Variants in TENM2 observed in about 807,000 individuals in gnomAD.
The protein encoded by TENM2 is teneurin-2.
TENM2 carries 52 observed loss-of-function variants against 245.2 expected under a neutral mutation model. The observed-to-expected ratio is 0.21, with a 90% CI of 0.17 to 0.27. The LOEUF is 0.27. Among genes scored for constraint, TENM2 ranks in the 10% least tolerant of loss-of-function variants. The pLI, the probability that TENM2 is intolerant of heterozygous loss-of-function variation, is 1.00. For missense variants in TENM2, 3,046 were observed against 3,666.8 expected (o/e 0.83, Z 4.37); for synonymous variants, 1,363 against 1,438.9 (o/e 0.95, Z 1.19).
At position 167,293,262 on chromosome 5, in the gene TENM2, T is replaced by C. The variant is rs563323016; in HGVS notation, c.226+8199T>C. On this transcript the variant is annotated intron_variant, in intron 1 of 28. Transcript: ENST00000518659. ...TGTTGCCCAGGCTGGAGTGCAATGG[T>C]GCAATCTCTGCTCACAGCAATCTCC... Among the ~76,000 whole-genome samples the C allele has an allele frequency of 3.3e-4, 50 of 152,158 alleles. 1 individual carries two copies. The highest frequency in any genetic ancestry group is 1.1e-3 in the African/African-American group (47 of 41,520).
intron 3 of TENM2, among the ~76,000 whole-genome samples, chr5:167,920,331 A>AAAAAAAAAAG (rs766746876): frequency 8.3e-6 from 1 of 120,840 alleles, no homozygotes. Flanking sequence ...GTCTCTACTT[A>AAAAAAAAAAG]AAAAAAAAAG....
chr5:167,669,179 T>G (rs577303997), intron 2 of TENM2, among the ~76,000 whole-genome samples: 1 of 152,176 alleles, frequency 6.6e-6, no homozygotes, highest in Admixed American at 6.6e-5. Context: ...CATCCTTGAA[T>G]GTGCTGCTTT....
intron 1 of TENM2, among the ~76,000 whole-genome samples, chr5:167,298,585 C>CAG (rs955538998): frequency 2.6e-5 from 4 of 152,088 alleles, no homozygotes; most frequent in African/African-American, 9.7e-5. Flanking sequence ...GCCTGGGCGA[C>CAG]AGCGAGACTC....
chr5:167,672,749 C>T lies in TENM2; in HGVS notation c.503-203237C>T, dbSNP rs151268090. ...GTAAGTTCAGGTGTTCACGCAGGCA[C>T]CTATTTCTCTCAGAAGAGGACTTTT... is the stretch of plus-strand genomic sequence containing the variant. On this transcript the variant is annotated intron_variant, in intron 2 of 28. Coordinates refer to ENST00000518659, the Ensembl canonical transcript of TENM2. Among the ~76,000 whole-genome samples the T allele has an allele frequency of 4.3e-4, 65 of 152,122 alleles. 1 individual carries two copies. The highest frequency in any genetic ancestry group is 1.4e-3 in the African/African-American group (57 of 41,520).
intron 2 of TENM2, among the ~76,000 whole-genome samples, chr5:167,457,985 G>T (rs2127486762): frequency 2.0e-5 from 3 of 152,126 alleles, no homozygotes; most frequent in Middle Eastern, 3.4e-3. Context: ...GGCAGCTAAG[G>T]CAACTTGATT....
intron 7 of TENM2, among the ~76,000 whole-genome samples, chr5:168,086,312 G>A (rs1205362857): frequency 1.3e-5 from 2 of 152,064 alleles, no homozygotes; most frequent in Non-Finnish European, 1.5e-5. Context: ...CAAGAAGTGG[G>A]GAGATTTATA....
intron 2 of TENM2, among the ~76,000 whole-genome samples, chr5:167,873,325 T>A (rs1368436971): frequency 2.0e-5 from 3 of 152,250 alleles, no homozygotes; most frequent in Non-Finnish European, 4.4e-5. Context: ...AGAAACGTGA[T>A]CTGCTGTAGA....
the TENM2 span, among the ~76,000 whole-genome samples, chr5:167,256,702 T>C: frequency 6.6e-6 from 1 of 152,058 alleles, no homozygotes; most frequent in Non-Finnish European, 1.5e-5. Context: ...TCAGAATATA[T>C]GGAAATATAA....
intron 1 of TENM2, among the ~76,000 whole-genome samples, chr5:167,374,056 A>G (rs1760598566): frequency 6.6e-6 from 1 of 152,158 alleles, no homozygotes; most frequent in Admixed American, 6.5e-5. Flanking sequence ...ATTCTTTGAT[A>G]CCATTTAGAA....
chr5:167,653,946 A>G (rs913299790), intron 2 of TENM2: 5 of 151,738 alleles, frequency 3.3e-5, no homozygotes, highest in South Asian at 4.2e-4. Flanking sequence ...AGATAGAGAA[A>G]AAAGAAATCA....
intron 1 of TENM2, among the ~76,000 whole-genome samples, chr5:167,336,836 G>A (rs979166404): frequency 3.3e-5 from 5 of 151,010 alleles, no homozygotes; most frequent in African/African-American, 1.2e-4. Context: ...AAAAAAAATC[G>A]GCCGGGTGCG....
intron 2 of TENM2, among the ~76,000 whole-genome samples, chr5:167,630,150 G>A (rs1488464441): frequency 3.5e-5 from 5 of 143,162 alleles, no homozygotes; most frequent in African/African-American, 7.9e-5. Context: ...TTTTTTTTCC[G>A]TTATTAAGTG....
chr5:167,713,563 C>G (rs10475523), intron 2 of TENM2, among the ~76,000 whole-genome samples: 10,697 of 151,708 alleles, frequency 0.071, 461 homozygotes, highest in African/African-American at 0.13. Context: ...GGCATGCGCA[C>G]ACCCCCACCA....
chr5:168,122,988 AC>A (rs1795576831), intron 10 of TENM2, among the ~76,000 whole-genome samples: 1 of 152,142 alleles, frequency 6.6e-6, no homozygotes, highest in East Asian at 1.9e-4. Context: ...TAGAGCCAAT[AC>A]GTCATCAGTA....
chr5:167,090,936 A>C, the TENM2 span, among the ~76,000 whole-genome samples: 1 of 152,216 alleles, frequency 6.6e-6, no homozygotes, highest in Non-Finnish European at 1.5e-5. Flanking sequence ...TTCACTAATA[A>C]ACACAAAACA....
chr5:168,171,632 AG>A (rs1286206887), intron 13 of TENM2, among the ~76,000 whole-genome samples: 1 of 152,192 alleles, frequency 6.6e-6, no homozygotes, highest in Non-Finnish European at 1.5e-5. Flanking sequence ...CAGCACTTTC[AG>A]TCTTTTTTAA....
At chr5:168,070,512 T>C (rs1790894250) in intron 7 of TENM2, among the ~76,000 whole-genome samples, 1 of 151,104 alleles carries the variant, frequency 6.6e-6, no homozygotes, top group Admixed American at 6.6e-5. Context: ...CCAGCTGTGG[T>C]GGCACATGCC....
rs140674788 is a variant in TENM2, at chr5:167,535,453, C to A, written c.502+159980C>A. Among the ~76,000 whole-genome samples, 11 of 152,200 alleles carry A rather than the reference C, an allele frequency of 7.2e-5. No homozygotes were observed. The South Asian group carries it at 1.0e-3, about 14-fold the overall frequency. On this transcript the variant is annotated intron_variant, in intron 2 of 28. Coordinates refer to ENST00000518659, the Ensembl canonical transcript of TENM2. ...TGGCAAGGAGAAGACACAAAACATGCAGACATTCACTGAAGACTAAGATTA... is the reference window on the plus strand; with the variant it reads ...TGGCAAGGAGAAGACACAAAACATGAAGACATTCACTGAAGACTAAGATTA...
chr5:167,001,147 C>A, the TENM2 span, among the ~76,000 whole-genome samples: 6 of 152,030 alleles, frequency 3.9e-5, no homozygotes, highest in Non-Finnish European at 7.4e-5. Flanking sequence ...ACTGAAAACC[C>A]TCCTGACTTG....
Sources: allele counts gnomAD v4.1 joint callset (sites outside exome capture counted in the v4.1 genomes callset), GRCh38; gene constraint gnomAD v4.1.1; transcripts MANE v1.5; gene names NCBI Gene and HGNC (gene_info 2026-07-23, HGNC 2026-07-21).